EDAR: variants seen among roughly 807,000 people sequenced by gnomAD.
EDAR encodes tumor necrosis factor receptor superfamily member EDAR.
In EDAR, 38 loss-of-function variants were observed where a neutral mutation model predicts 51.3. The observed-to-expected ratio is 0.74, with a 90% confidence interval of 0.57 to 0.97. The LOEUF (loss-of-function observed/expected upper bound fraction) is 0.97, where lower values mean the gene tolerates loss of function less well. Among genes scored for constraint, EDAR ranks in the 50% least tolerant of loss-of-function variants. The pLI is 0.00. For missense variants in EDAR, 528 were observed against 595.0 expected, an observed-to-expected ratio of 0.89 and a Z score of 1.17; for synonymous variants, 227 against 242.1, an observed-to-expected ratio of 0.94 and a Z score of 0.58.
chr2:108,976,137 C>T (rs1211164766), intron 1 of EDAR, among the ~76,000 whole-genome samples: 1 of 152,094 alleles, frequency 6.6e-6, no homozygotes, highest in Non-Finnish European at 1.5e-5. Flanking sequence ...TTTTCTGTTC[C>T]AGGATCCCAT....
At chr2:108,919,511 A>G (rs1340529798) in intron 5 of EDAR, among the ~76,000 whole-genome samples, 2 of 152,048 alleles carry the variant, frequency 1.3e-5, no homozygotes, top group Admixed American at 1.3e-4. Flanking sequence ...GGCAGGCACC[A>G]CCACGCCCAG....
chr2:108,946,202 C>T (rs1697711772), intron 1 of EDAR, among the ~76,000 whole-genome samples: 1 of 152,178 alleles, frequency 6.6e-6, no homozygotes, highest in African/African-American at 2.4e-5. Flanking sequence ...CAAAATGCAC[C>T]AGGGCATGAC....
intron 9 of EDAR, among the ~76,000 whole-genome samples, chr2:108,909,867 C>T (rs1052480404): frequency 2.6e-5 from 4 of 152,236 alleles, no homozygotes; most frequent in Admixed American, 6.5e-5. Flanking sequence ...AGCCTGGACT[C>T]GGACCCCAGC....
intron 1 of EDAR, among the ~76,000 whole-genome samples, chr2:108,944,071 G>A (rs774960779): frequency 2.6e-5 from 4 of 152,204 alleles, no homozygotes; most frequent in Non-Finnish European, 5.9e-5. Context: ...AGCCACGTAG[G>A]AGCAAACACT....
Position 108,910,710 on chromosome 2 carries a change from T to C in EDAR, c.730+66A>G. 3 of 1,580,228 alleles carry C rather than the reference T, an allele frequency of 1.9e-6. No homozygotes were observed. The South Asian group carries it at 3.3e-5, about 18-fold the overall frequency. On this transcript the variant is annotated intron_variant, in intron 8 of 11. Coordinates refer to ENST00000258443, the MANE Select transcript of EDAR (RefSeq NM_022336.4). ...GCAGAAGCAGCGAGGAGGCTGCTTC[T>C]GGGAACGCCCTCCACCCAGAGATGG...
intron 1 of EDAR, among the ~76,000 whole-genome samples, chr2:108,975,713 G>C (rs534564603): frequency 6.6e-6 from 1 of 152,278 alleles, no homozygotes; most frequent in East Asian, 1.9e-4. Context: ...GTGGTGGTCG[G>C]AGGAAATGAC....
chr2:108,898,979 G>A (rs1352624755), intron 11 of EDAR, among the ~76,000 whole-genome samples: 2 of 152,096 alleles, frequency 1.3e-5, no homozygotes, highest in African/African-American at 4.8e-5. Context: ...CAGAAGGAGA[G>A]GAGAAGAGAG....
chr2:108,923,504 C>A, intron 4 of EDAR, 51 bp from the exon 5 acceptor site: 1 of 1,555,956 alleles, frequency 6.4e-7, no homozygotes, highest in Non-Finnish European at 8.9e-7. Flanking sequence ...GGACAGCACA[C>A]AGGCAGGGAC....
In EDAR at chr2:108,971,009, G is replaced by C. The variant is rs564526989; in HGVS notation, c.-19+17951C>G. Among the ~76,000 whole-genome samples, 8 of 152,270 alleles carry C rather than the reference G, an allele frequency of 5.3e-5. No individual in the cohort carries two copies. In the South Asian group the frequency reaches 1.4e-3, roughly 28 times the overall value. On this transcript the variant is annotated intron_variant, in intron 1 of 11. Transcript: ENST00000258443. ...AGGATCTGGATTGATGCTGTGTCCT[G>C]CTGTGGACCTGAGGGGACAGGGGAT...
At chr2:108,916,769 G>A (rs888489875) in intron 5 of EDAR, among the ~76,000 whole-genome samples, 2 of 152,162 alleles carry the variant, frequency 1.3e-5, no homozygotes, top group African/African-American at 2.4e-5. Context: ...TCAGCCTCTC[G>A]TGTCAGGACT....
chr2:108,957,590 C>T (rs1323004794), intron 1 of EDAR, among the ~76,000 whole-genome samples: 1 of 152,232 alleles, frequency 6.6e-6, no homozygotes, highest in Non-Finnish European at 1.5e-5. Flanking sequence ...TGATCCACAG[C>T]CACACACCTG....
chr2:108,987,356 C>T (rs867860945), intron 1 of EDAR, among the ~76,000 whole-genome samples: 2 of 152,182 alleles, frequency 1.3e-5, no homozygotes, highest in African/African-American at 2.4e-5. Flanking sequence ...TTTTGCGCTC[C>T]GTGAGATGGG....
intron 1 of EDAR, among the ~76,000 whole-genome samples, chr2:108,980,121 G>A (rs1046488694): frequency 6.6e-6 from 1 of 150,782 alleles, no homozygotes; most frequent in Non-Finnish European, 1.5e-5. Flanking sequence ...GGGGTCGGGT[G>A]GGGGGCTGGG....
intron 4 of EDAR, among the ~76,000 whole-genome samples, chr2:108,924,124 A>G (rs1697204974): frequency 6.6e-6 from 1 of 152,246 alleles, no homozygotes; most frequent in Admixed American, 6.5e-5. Flanking sequence ...CTGCACACAC[A>G]GTGCAAGGGA....
intron 1 of EDAR, among the ~76,000 whole-genome samples, chr2:108,946,493 AC>A (rs1697717187): frequency 6.6e-6 from 1 of 152,242 alleles, no homozygotes; most frequent in African/African-American, 2.4e-5. Context: ...TATTTTACAT[AC>A]TAAAAAGTGG....
At chr2:108,987,891 T>A (rs566828306) in intron 1 of EDAR, among the ~76,000 whole-genome samples, 1 of 152,270 alleles carries the variant, frequency 6.6e-6, no homozygotes, top group African/African-American at 2.4e-5. Flanking sequence ...AATCTCAGAG[T>A]ATTAAGCCAG....
At chr2:108,975,198 TG>T (rs1271566662) in intron 1 of EDAR, among the ~76,000 whole-genome samples, 1 of 152,132 alleles carries the variant, frequency 6.6e-6, no homozygotes, top group East Asian at 1.9e-4. Flanking sequence ...CCAGCCTGTG[TG>T]GGAAGGGGCA....
chr2:108,930,880 AT>A, intron 2 of EDAR, 83 bp downstream of exon 2: 1 of 1,479,830 alleles, frequency 6.8e-7, no homozygotes, highest in Non-Finnish European at 9.4e-7. Flanking sequence ...CAGCATTCCC[AT>A]TTTACAGCTG....
chr2:108,963,482 C>A (rs555759825), intron 1 of EDAR, among the ~76,000 whole-genome samples: 1 of 152,274 alleles, frequency 6.6e-6, no homozygotes, highest in Non-Finnish European at 1.5e-5. Context: ...AGAGATAATA[C>A]AGAGAGATCC....
Sources: gnomAD v4.1 joint callset for allele counts (sites outside exome capture counted in the v4.1 genomes callset) on GRCh38, gnomAD v4.1.1 for gene constraint, MANE v1.5 for transcripts, NCBI Gene and HGNC (gene_info 2026-07-23, HGNC 2026-07-21) for gene names.